GRIK2: variants seen among roughly 807,000 people sequenced by gnomAD.
GRIK2 encodes glutamate ionotropic receptor kainate type subunit 2.
GRIK2 carries 32 observed loss-of-function variants against 100.3 expected under a neutral mutation model. The ratio of observed to expected loss-of-function variants is 0.32; its 90% CI spans 0.24 to 0.43. GRIK2 has a LOEUF of 0.43. Ranked by LOEUF, GRIK2 falls within the 20% of genes least tolerant of loss-of-function variation. GRIK2 has a pLI of 1.00. For synonymous variants in GRIK2, 417 were observed against 389.4 expected (o/e 1.07, Z -0.83); for missense variants, 843 against 1,114.9 (o/e 0.76, Z 3.47).
intron 2 of GRIK2, among the ~76,000 whole-genome samples, chr6:101,560,146 C>A (rs906038001): frequency 6.6e-6 from 1 of 152,080 alleles, no homozygotes; most frequent in Non-Finnish European, 1.5e-5. Flanking sequence ...GTATTGCCAA[C>A]AATAAACAAT....
intron 13 of GRIK2, among the ~76,000 whole-genome samples, chr6:101,925,242 A>G (rs1789811565): frequency 6.6e-6 from 1 of 152,186 alleles, no homozygotes; most frequent in Non-Finnish European, 1.5e-5. Flanking sequence ...TTGATAGCAT[A>G]TAAGAATATA....
intron 14 of GRIK2, among the ~76,000 whole-genome samples, chr6:101,946,586 T>C (rs558262877): frequency 9.2e-5 from 14 of 152,024 alleles, no homozygotes; most frequent in Non-Finnish European, 2.1e-4. Flanking sequence ...TATTTGTAAA[T>C]ACGTAACAAA....
At chr6:101,730,105 T>C (rs544682678) in intron 7 of GRIK2, among the ~76,000 whole-genome samples, 1 of 152,108 alleles carries the variant, frequency 6.6e-6, no homozygotes, top group Admixed American at 6.6e-5. Context: ...TAGCTTATTT[T>C]TCATTTCATT....
chr6:101,480,257 A>G (rs1038439040), intron 2 of GRIK2, among the ~76,000 whole-genome samples: 1 of 152,154 alleles, frequency 6.6e-6, no homozygotes, highest in African/African-American at 2.4e-5. Flanking sequence ...AAGAGCAGTA[A>G]ACTTTCCTGA....
chr6:101,651,012 T>C (rs552317908), intron 4 of GRIK2, among the ~76,000 whole-genome samples: 5 of 147,008 alleles, frequency 3.4e-5, no homozygotes, highest in Admixed American at 6.7e-5. Context: ...TTCTTTTTTT[T>C]TTTTTTTTTT....
chr6:101,395,717 A>G (rs1358903899), intron 1 of GRIK2, among the ~76,000 whole-genome samples: 3 of 152,194 alleles, frequency 2.0e-5, no homozygotes, highest in South Asian at 2.1e-4. Flanking sequence ...TTGCATTAAC[A>G]TGATATGCAT....
At chr6:101,968,780 A>C (rs1244288279) in intron 14 of GRIK2, among the ~76,000 whole-genome samples, 1 of 151,982 alleles carries the variant, frequency 6.6e-6, no homozygotes, top group Admixed American at 6.6e-5. Context: ...ACTGTGGCAT[A>C]CACAAAAATA....
chr6:101,440,708 C>G (rs987244473), intron 2 of GRIK2, among the ~76,000 whole-genome samples: 2 of 151,952 alleles, frequency 1.3e-5, no homozygotes, highest in Non-Finnish European at 2.9e-5. Flanking sequence ...AACAGAGGGC[C>G]CTTCTCTGCC....
At chr6:101,977,406 A>G (rs1037340100) in intron 14 of GRIK2, among the ~76,000 whole-genome samples, 1 of 151,878 alleles carries the variant, frequency 6.6e-6, no homozygotes, top group Non-Finnish European at 1.5e-5. Context: ...GCCTTCAGAC[A>G]GCAATTCAGC....
At chr6:102,024,767 G>T (rs1769606045) in intron 14 of GRIK2, among the ~76,000 whole-genome samples, 1 of 150,904 alleles carries the variant, frequency 6.6e-6, no homozygotes, top group African/African-American at 2.4e-5. Flanking sequence ...CTTCTATTTT[G>T]CTTTAAAGCT....
At chr6:101,944,010 A>G (rs114338113) in intron 14 of GRIK2, among the ~76,000 whole-genome samples, 1,912 of 152,228 alleles carry the variant, frequency 0.013, 47 homozygotes, top group African/African-American at 0.044. Context: ...GGGGCCTGGC[A>G]GGAGGTGATT....
At chr6:101,944,137 C>A (rs1395403913) in intron 14 of GRIK2, among the ~76,000 whole-genome samples, 1 of 152,150 alleles carries the variant, frequency 6.6e-6, no homozygotes, top group Non-Finnish European at 1.5e-5. Context: ...TTCTCTCTCT[C>A]CTGCTACCAT....
chr6:101,694,299 A>T (rs1434340796), intron 7 of GRIK2, among the ~76,000 whole-genome samples: 2 of 152,174 alleles, frequency 1.3e-5, no homozygotes, highest in Non-Finnish European at 2.9e-5. Flanking sequence ...GGATTATTTC[A>T]CTGGGGTCGG....
chr6:102,058,289 T>A (rs966774781), intron 16 of GRIK2, among the ~76,000 whole-genome samples: 1 of 151,768 alleles, frequency 6.6e-6, no homozygotes, highest in East Asian at 1.9e-4. Flanking sequence ...ATTTTTTGTT[T>A]GTATCTCCAA....
intron 14 of GRIK2, among the ~76,000 whole-genome samples, chr6:101,969,768 C>T (rs1792922683): frequency 6.6e-6 from 1 of 151,954 alleles, no homozygotes. Context: ...CCACATAAAA[C>T]ATAAATTGGA....
intron 10 of GRIK2, among the ~76,000 whole-genome samples, chr6:101,831,625 T>G (rs1305314419): frequency 6.6e-6 from 1 of 152,166 alleles, no homozygotes; most frequent in Non-Finnish European, 1.5e-5. Context: ...TGGAATAATA[T>G]CAATCAACTG....
rs1210053867 is a variant in GRIK2, at chr6:101,757,316, GTTTAAA to G, written c.952-42325_952-42320del. Among the ~76,000 whole-genome samples, 12 of 152,116 alleles carry G rather than the reference GTTTAAA, an allele frequency of 7.9e-5. No individual in the cohort carries two copies. In the South Asian group the frequency reaches 2.3e-3, roughly 29 times the overall value. On this transcript the variant is annotated intron_variant, in intron 7 of 16. Coordinates refer to ENST00000369134, the MANE Select transcript of GRIK2 (RefSeq NM_021956.5). ...TAATGTATTTAAATTTTTAAGTTCA[GTTTAAA>G]TTTAAAAGTTCAGTTCTTCATGGAA...
intron 2 of GRIK2, among the ~76,000 whole-genome samples, chr6:101,497,421 T>A (rs761587734): frequency 2.0e-5 from 3 of 152,162 alleles, no homozygotes; most frequent in Non-Finnish European, 4.4e-5. Context: ...AATGACCAAA[T>A]GAATGAGTCA....
At chr6:101,572,266 T>C (rs1777575481) in intron 2 of GRIK2, among the ~76,000 whole-genome samples, 1 of 152,136 alleles carries the variant, frequency 6.6e-6, no homozygotes, top group Admixed American at 6.6e-5. Flanking sequence ...TATGTTCTCC[T>C]TGGTGCTTAA....
Sources: gnomAD v4.1 joint callset for allele counts (sites outside exome capture counted in the v4.1 genomes callset) on GRCh38, gnomAD v4.1.1 for gene constraint, MANE v1.5 for transcripts, NCBI Gene and HGNC (gene_info 2026-07-23, HGNC 2026-07-21) for gene names.